GLRX5: variants seen among roughly 807,000 people sequenced by gnomAD.
The protein encoded by GLRX5 is glutaredoxin 5, also known as glutaredoxin-related protein 5, mitochondrial.
Under a neutral mutation model 13.8 loss-of-function variants are expected in GLRX5, and 10 were observed. That is an observed-to-expected ratio of 0.72 (90% CI 0.45 to 1.23). The LOEUF is 1.23. Ranked by LOEUF, GLRX5 falls within the 50% of genes most tolerant of loss-of-function variation. The probability of loss-of-function intolerance (pLI) is 0.00; values close to 1 mark genes in which losing one functional copy is unlikely to be tolerated. For missense variants in GLRX5, 233 were observed against 215.2 expected, an observed-to-expected ratio of 1.08 and a Z score of -0.52; for synonymous variants, 98 against 101.1, an observed-to-expected ratio of 0.97 and a Z score of 0.18.
Position 95,535,384 on chromosome 14 carries a change from G to A in GLRX5, c.295G>A (p.Gly99Ser). Residue 99 changes from glycine (G) to serine (S), a missense_variant and splice_region_variant, in exon 1 of 2, where the codon GGC (glycine) becomes AGC (serine). Transcript: ENST00000331334. ...GCTGGACGACCCGGAGCTCCGACAA[G>A]GTCAGGCCAGTGTGCCGGGCAGGCG... ...NVLDDPELRQ[G>S]IKDYSNWPTI... 6.5e-7 allele frequency: 1 copy of A among 1,548,768 alleles called. No individual in the cohort carries two copies. The highest frequency in any genetic ancestry group is 2.4e-5 in the East Asian group (1 of 41,108).
chr14:95,538,573 A>G (rs745455063), intron 1 of GLRX5, among the ~76,000 whole-genome samples: 6 of 152,220 alleles, frequency 3.9e-5, no homozygotes, highest in Non-Finnish European at 7.3e-5. Flanking sequence ...GGAGTATAAA[A>G]TGGTACCAAC....
chr14:95,537,755 GA>G (rs1891405077), intron 1 of GLRX5, among the ~76,000 whole-genome samples: 1 of 152,218 alleles, frequency 6.6e-6, no homozygotes, highest in Non-Finnish European at 1.5e-5. Context: ...TAAACCGGAG[GA>G]AAACATTCTT....
intron 1 of GLRX5, chr14:95,543,113 G>C (rs1348427600): frequency 2.2e-5 from 10 of 455,916 alleles, no homozygotes; most frequent in Non-Finnish European, 4.4e-5. Flanking sequence ...CTTGGCTGCT[G>C]TGAGCGCTTA....
At position 95,535,121 on chromosome 14, in the gene GLRX5, C is replaced by G. The variant is rs1390109139; in HGVS notation, c.32C>G (p.Ala11Gly). 1 of 1,271,840 alleles carries G rather than the reference C, an allele frequency of 7.9e-7. No homozygotes were observed. Among genetic ancestry groups the G allele is most frequent in the Non-Finnish European group, 1.0e-6 (1 of 999,918 alleles). 78.8% of individuals were successfully genotyped at this position (1,271,840 alleles called of 1,614,324 possible). Residue 11 changes from alanine (A) to glycine (G), a missense_variant, in exon 1 of 2, where the codon GCT (alanine) becomes GGT (glycine). Ala to Gly is a moderately conservative substitution (Grantham distance 60, BLOSUM62 0). Transcript: ENST00000331334. MSGSLGRAAA[A>G]LLRWGRGAGG... ...GGGTCCCTCGGCCGAGCTGCGGCGG[C>G]TCTGCTCCGCTGGGGGCGCGGCGCG...
At chr14:95,543,626 A>G (rs1891509203) in intron 1 of GLRX5, 3 of 353,190 alleles carry the variant, frequency 8.5e-6, no homozygotes, top group South Asian at 2.7e-5. Flanking sequence ...TCCGCAATGT[A>G]TCAGGTATTT....
Position 95,535,217 on chromosome 14 carries a change from A to C in GLRX5, c.128A>C (p.Glu43Ala), listed in dbSNP as rs2139646605. ...GSGAGGGGSA[E>A]QLDALVKKDK... The stretch of plus-strand genomic sequence containing the variant: ...GGCGCGGGCGGCGGCGGCTCGGCGG[A>C]GCAGTTGGACGCGCTGGTGAAGAAG... Residue 43 changes from glutamate (E) to alanine (A), a missense_variant, in exon 1 of 2, where the codon GAG becomes GCG. Transcript: ENST00000331334. 3 of 1,541,506 alleles carry C rather than the reference A, an allele frequency of 1.9e-6. No individual in the cohort carries two copies. Among genetic ancestry groups the C allele is most frequent in the African/African-American group, 2.8e-5 (2 of 71,428 alleles).
intron 1 of GLRX5, among the ~76,000 whole-genome samples, chr14:95,542,513 T>G (rs1013174641): frequency 6.6e-6 from 1 of 152,170 alleles, no homozygotes; most frequent in Non-Finnish European, 1.5e-5. Context: ...CAATAACTTT[T>G]AAGAAAAAAA....
chr14:95,540,366 C>A (rs1891453955), intron 1 of GLRX5, among the ~76,000 whole-genome samples: 1 of 152,186 alleles, frequency 6.6e-6, no homozygotes, highest in South Asian at 2.1e-4. Context: ...GAGCTCAATT[C>A]ATTTCATTCC....
chr14:95,539,895 ATAT>A (rs1566704155), intron 1 of GLRX5, among the ~76,000 whole-genome samples: 3 of 40,076 alleles, frequency 7.5e-5, no homozygotes, highest in Non-Finnish European at 6.5e-5. Context: ...ATATATATAT[ATAT>A]TTTTTTTTTT....
chr14:95,544,084 T>C lies in GLRX5; in HGVS notation c.433T>C (p.Ser145Pro). The C allele has an allele frequency of 6.2e-7, 1 of 1,614,096 alleles. No individual in the cohort carries two copies. Among genetic ancestry groups the C allele is most frequent in the East Asian group, 2.2e-5 (1 of 44,870 alleles). The change falls in exon 2 of 2, where the codon TCC becomes CCC. Residue 145 changes from serine (S) to proline (P), a missense_variant. Physicochemically the swap from Ser to Pro is moderately conservative, Grantham distance 74. Coordinates refer to ENST00000331334, the MANE Select transcript of GLRX5 (RefSeq NM_016417.3). ...AGAACTGAAAAAGCTGGGGATCCAC[T>C]CCGCCCTTTTAGATGAAAAGAAAGA... ...VEELKKLGIH[S>P]ALLDEKKDQD...
At chr14:95,535,501 G>T in intron 1 of GLRX5, 117 bp downstream of exon 1, 1 of 1,031,970 alleles carries the variant, frequency 9.7e-7, no homozygotes, top group South Asian at 1.5e-5. Context: ...GCCGGGGTCT[G>T]TCTGAAGGTT....
chr14:95,543,236 A>C (rs753995002), intron 1 of GLRX5: 1 of 455,644 alleles, frequency 2.2e-6, no homozygotes, highest in Admixed American at 2.4e-5. Flanking sequence ...GAGCCTCATC[A>C]TCCACTCCAC....
intron 1 of GLRX5, among the ~76,000 whole-genome samples, chr14:95,535,607 C>G: frequency 6.6e-6 from 1 of 152,240 alleles, no homozygotes; most frequent in Non-Finnish European, 1.5e-5. Context: ...GGGCTCTGTA[C>G]TGTTGCCAAC....
chr14:95,542,795 C>G (rs1453898382), intron 1 of GLRX5, among the ~76,000 whole-genome samples: 1 of 152,166 alleles, frequency 6.6e-6, no homozygotes, highest in East Asian at 1.9e-4. Flanking sequence ...CATGCTTTGA[C>G]CATCTTCGTT....
Position 95,535,104 on chromosome 14 carries a change from C to T in GLRX5, c.15C>T (p.Leu5=), listed in dbSNP as rs1170456814. ...TGCGTGCGGAGATGAGCGGGTCCCT[C>T]GGCCGAGCTGCGGCGGCTCTGCTCC... is the stretch of plus-strand genomic sequence containing the variant. The part of the protein sequence containing the change: MSGS[L]GRAAAALLRW... The change falls in exon 1 of 2, where the codon CTC becomes CTT. Residue 5 remains leucine (L), a synonymous_variant. Transcript: ENST00000331334. 1.5e-5 allele frequency: 20 copies of T among 1,315,108 alleles called. No homozygotes were observed. The highest frequency in any genetic ancestry group is 3.1e-5 in the African/African-American group (2 of 64,512). 81.5% of individuals were successfully genotyped at this position (1,315,108 alleles called of 1,614,324 possible).
chr14:95,544,481 T>C lies in GLRX5; in HGVS notation c.*356T>C. ...CAAATGTGTCAGTCTCCAAAGAGAG[T>C]ATCTCCCCCCAAATTTTGTGTAGCT... On this transcript the variant is annotated 3_prime_UTR_variant, in exon 2 of 2. Coordinates refer to ENST00000331334, the MANE Select transcript of GLRX5 (RefSeq NM_016417.3). The C allele has an allele frequency of 4.5e-6, 1 of 221,722 alleles. No homozygotes were observed. Among genetic ancestry groups the C allele is most frequent in the African/African-American group, 2.3e-5 (1 of 43,876 alleles). 13.7% of individuals were successfully genotyped at this position (221,722 alleles called of 1,614,324 possible). A position where few individuals can be genotyped will look rare whatever the true frequency, so the allele number is the denominator to read the frequency against.
intron 1 of GLRX5, chr14:95,543,725 C>A: frequency 1.8e-6 from 1 of 560,162 alleles, no homozygotes; most frequent in Non-Finnish European, 3.2e-6. Flanking sequence ...GGTGACTTGT[C>A]TGAGGGCTGA....
chr14:95,543,747 T>C lies in GLRX5; in HGVS notation c.296-200T>C, dbSNP rs1168655379. 6 of 592,262 alleles carry C rather than the reference T, an allele frequency of 1.0e-5. No homozygotes were observed. The East Asian group carries it at 1.7e-4, about 17-fold the overall frequency. The allele number at this position is 592,262 out of a possible 1,614,324, so 36.7% of individuals were successfully genotyped here. A position where few individuals can be genotyped will look rare whatever the true frequency, so the allele number is the denominator to read the frequency against. On this transcript the variant is annotated intron_variant, in intron 1 of 1. Coordinates refer to ENST00000331334, the MANE Select transcript of GLRX5 (RefSeq NM_016417.3). Reference sequence around the variant, plus strand: ...TGTCTGAGGGCTGACGGTTTGTAATTGGAAGAGTCAGGGCCTAACCACTGG... The same window carrying C: ...TGTCTGAGGGCTGACGGTTTGTAATCGGAAGAGTCAGGGCCTAACCACTGG...
At chr14:95,542,542 T>C (rs1453052980) in intron 1 of GLRX5, among the ~76,000 whole-genome samples, 1 of 152,210 alleles carries the variant, frequency 6.6e-6, no homozygotes, top group Non-Finnish European at 1.5e-5. Flanking sequence ...ATATTGGGAC[T>C]TGTGATATAA....
Sources: gnomAD v4.1 joint callset for allele counts (sites outside exome capture counted in the v4.1 genomes callset) on GRCh38, gnomAD v4.1.1 for gene constraint, MANE v1.5 for transcripts, NCBI Gene and HGNC (gene_info 2026-07-23, HGNC 2026-07-21) for gene names.